The following NFASC variants were observed in gnomAD, a reference collection of about 807,000 sequenced individuals.
The protein encoded by NFASC is neurofascin, also known as neurofascin homolog.
A neutral mutation model predicts 147.5 loss-of-function variants in NFASC; 43 were observed. That is an observed-to-expected ratio of 0.29 (90% confidence interval 0.23 to 0.38). The LOEUF is 0.38. Ranked by LOEUF, NFASC falls within the 10% of genes least tolerant of loss-of-function variation. The pLI is 1.00. For synonymous variants in NFASC, 622 were observed against 665.5 expected (o/e 0.93, Z 1.01); for missense variants, 1,320 against 1,689.0 (o/e 0.78, Z 3.83).
chr1:204,923,239 G>A (rs1044989261), intron 2 of NFASC, among the ~76,000 whole-genome samples: 5 of 152,144 alleles, frequency 3.3e-5, no homozygotes, highest in Admixed American at 3.3e-4. Context: ...GCCTAAGGAG[G>A]AAGCCCTCCG....
chr1:204,969,165 C>T (rs573478870), intron 10 of NFASC, among the ~76,000 whole-genome samples, 183 bp downstream of exon 10: 77 of 152,176 alleles, frequency 5.1e-4, no homozygotes, highest in Middle Eastern at 6.8e-3. Context: ...TGTGCATGCC[C>T]GTGCATGGGG....
chr1:204,847,828 G>A (rs926003117), intron 1 of NFASC, among the ~76,000 whole-genome samples: 2 of 152,184 alleles, frequency 1.3e-5, no homozygotes, highest in Admixed American at 6.5e-5. Flanking sequence ...GGCATGGGTG[G>A]TGAGGGGAAT....
chr1:204,984,450 C>T (rs1187001995), intron 21 of NFASC: 5 of 151,226 alleles, frequency 3.3e-5, no homozygotes, highest in African/African-American at 1.3e-4. Context: ...AGAGATTCTG[C>T]TCAGCAGAAA....
intron 3 of NFASC, among the ~76,000 whole-genome samples, chr1:204,945,638 C>T (rs188785089): frequency 2.6e-5 from 4 of 152,152 alleles, no homozygotes; most frequent in Admixed American, 2.6e-4. Context: ...GGCATGTGGA[C>T]TTGAATGTAT....
intron 7 of NFASC, 145 bp downstream of exon 7, chr1:204,955,096 G>A: frequency 1.0e-6 from 1 of 978,610 alleles, no homozygotes; most frequent in African/African-American, 1.6e-5. Flanking sequence ...TGAGAACACA[G>A]GCTCTGCAGA....
intron 8 of NFASC, among the ~76,000 whole-genome samples, chr1:204,967,453 C>A (rs1352563429): frequency 6.6e-6 from 1 of 152,162 alleles, no homozygotes; most frequent in Non-Finnish European, 1.5e-5. Context: ...TCTCTGTGAG[C>A]CACCTGGCCT....
chr1:204,937,185 G>A (rs941068109), intron 2 of NFASC, among the ~76,000 whole-genome samples: 2 of 151,418 alleles, frequency 1.3e-5, no homozygotes, highest in African/African-American at 4.9e-5. Flanking sequence ...GCAGTTTTAG[G>A]TTCAAGGTAC....
chr1:204,886,546 C>T (rs906591281), intron 1 of NFASC, among the ~76,000 whole-genome samples: 1 of 152,198 alleles, frequency 6.6e-6, no homozygotes, highest in African/African-American at 2.4e-5. Flanking sequence ...TGGGCCCACA[C>T]TCAGAGTTCC....
chr1:204,835,285 A>G (rs960144284), intron 1 of NFASC, among the ~76,000 whole-genome samples: 2 of 135,384 alleles, frequency 1.5e-5, no homozygotes, highest in African/African-American at 5.8e-5. Context: ...CAGTGGCACG[A>G]TCTTGACTCA....
At chr1:205,012,131 T>C (rs1262534550) in intron 28 of NFASC, among the ~76,000 whole-genome samples, 1 of 152,220 alleles carries the variant, frequency 6.6e-6, no homozygotes, top group Non-Finnish European at 1.5e-5. Flanking sequence ...CTAGCGATAC[T>C]GGAGGAAAAA....
chr1:204,866,707 C>A (rs2077136667), intron 1 of NFASC, among the ~76,000 whole-genome samples: 1 of 152,152 alleles, frequency 6.6e-6, no homozygotes, highest in Admixed American at 6.5e-5. Context: ...AAACTAGGCA[C>A]CTTGGAAGCT....
At position 204,952,100 on chromosome 1, in the gene NFASC, G is replaced by A; in HGVS notation, c.199G>A (p.Gly67Arg). ...CATCCTGATTGAGTGTGAAGCAAAA[G>A]GGAACCCTGCCCCCAGGTGAGTGAA... ...DNILIECEAK[G>R]NPAPSFHWTR... Residue 67 changes from glycine (G) to arginine (R), a missense_variant, in exon 5 of 30, where the codon GGG becomes AGG. Physicochemically the swap from Gly to Arg is moderately radical, Grantham distance 125 (BLOSUM62 -2). Transcript: ENST00000339876. The A allele has an allele frequency of 6.2e-7, 1 of 1,613,736 alleles. No homozygotes were observed. The highest frequency in any genetic ancestry group is 8.5e-7 in the Non-Finnish European group (1 of 1,179,668).
chr1:204,842,302 A>G (rs1675571591), intron 1 of NFASC, among the ~76,000 whole-genome samples: 1 of 152,164 alleles, frequency 6.6e-6, no homozygotes, highest in Non-Finnish European at 1.5e-5. Flanking sequence ...CTTCAGGGCC[A>G]GTTTTACACC....
At chr1:204,970,779 T>G in intron 11 of NFASC, 32 bp downstream of exon 11, 1 of 1,613,868 alleles carries the variant, frequency 6.2e-7, no homozygotes, top group Non-Finnish European at 8.5e-7. Context: ...CATCTGACTC[T>G]CATCTCTCTG....
intron 1 of NFASC, among the ~76,000 whole-genome samples, chr1:204,875,578 C>T (rs922348021): frequency 2.0e-5 from 3 of 152,092 alleles, no homozygotes; most frequent in Admixed American, 6.5e-5. Flanking sequence ...TGCAGATTGT[C>T]GGGAGGCCTC....
Position 204,920,967 on chromosome 1 carries a change from C to A in NFASC, c.-91+227C>A, listed in dbSNP as rs1446179302. ...GAGGCTGGTGAGGGTAGCGTTTAAG[C>A]CTTCCCTGGCAGGGACAGTCAGCCA... On this transcript the variant is annotated intron_variant, in intron 2 of 29. Coordinates refer to ENST00000339876, the MANE Select transcript of NFASC (RefSeq NM_001005388.3). Among the ~76,000 whole-genome samples, 3 of 152,158 alleles carry A rather than the reference C, an allele frequency of 2.0e-5. No homozygotes were observed. The East Asian group carries it at 5.8e-4, about 29-fold the overall frequency.
chr1:204,831,970 G>GT, intron 1 of NFASC, among the ~76,000 whole-genome samples: 1 of 152,246 alleles, frequency 6.6e-6, no homozygotes, highest in African/African-American at 2.4e-5. Flanking sequence ...AATTCCAGTG[G>GT]TATCAGCACC....
intron 1 of NFASC, among the ~76,000 whole-genome samples, chr1:204,884,044 G>A (rs1324859505): frequency 2.0e-5 from 3 of 152,174 alleles, no homozygotes; most frequent in Non-Finnish European, 4.4e-5. Context: ...GTCTCACACA[G>A]AAGTATTAAG....
chr1:204,915,344 T>C (rs2088937771), intron 1 of NFASC, among the ~76,000 whole-genome samples: 1 of 152,104 alleles, frequency 6.6e-6, no homozygotes, highest in Non-Finnish European at 1.5e-5. Flanking sequence ...TAGAAAGATA[T>C]CTAAGATATT....
Sources: gnomAD v4.1 joint callset for allele counts (sites outside exome capture counted in the v4.1 genomes callset) on GRCh38, gnomAD v4.1.1 for gene constraint, MANE v1.5 for transcripts, NCBI Gene and HGNC (gene_info 2026-07-23, HGNC 2026-07-21) for gene names.